ARID4B: variants seen among roughly 807,000 people sequenced by gnomAD.
ARID4B encodes AT-rich interactive domain-containing protein 4B.
Under a neutral mutation model 147.5 loss-of-function variants are expected in ARID4B, and 26 were observed. The observed-to-expected ratio is 0.18, with a 90% CI of 0.13 to 0.24. ARID4B has a LOEUF of 0.24. Among genes scored for constraint, ARID4B ranks in the 10% least tolerant of loss-of-function variants. The pLI is 1.00. For synonymous variants in ARID4B, 512 were observed against 507.9 expected (o/e 1.01, Z -0.11); for missense variants, 1,179 against 1,511.5 (o/e 0.78, Z 3.65).
chr1:235,327,483 C>T (rs1237383236), intron 1 of ARID4B: 4 of 152,252 alleles, frequency 2.6e-5, no homozygotes, highest in Non-Finnish European at 5.9e-5. Flanking sequence ...ACATCTGGCC[C>T]CGCCGCGGGG....
rs564809522 is a variant in ARID4B, at chr1:235,284,913, T to A, written c.7-24161A>T. 7.3e-3 allele frequency among the ~76,000 whole-genome samples: 1,113 copies of A among 151,894 alleles called. 12 individuals carry two copies. The highest frequency in any genetic ancestry group is 0.029 in the Admixed American group (447 of 15,244). On this transcript the variant is annotated intron_variant, in intron 2 of 23. Coordinates refer to ENST00000264183, the MANE Select transcript of ARID4B (RefSeq NM_016374.6). Reference sequence around the variant, plus strand: ...AAAATGCAAACAATATATATATATTTTTTTTTTGGAGACAGGGTCTTGTTC... The same window carrying A: ...AAAATGCAAACAATATATATATATTATTTTTTTGGAGACAGGGTCTTGTTC...
At chr1:235,216,768 AATTTT>A (rs1456052255) in intron 16 of ARID4B, among the ~76,000 whole-genome samples, 2 of 150,340 alleles carry the variant, frequency 1.3e-5, no homozygotes, top group Admixed American at 6.7e-5. Context: ...TATTATGAGG[AATTTT>A]ATTTTATATA....
chr1:235,212,487 T>C (rs1467077132), intron 17 of ARID4B, among the ~76,000 whole-genome samples: 2 of 152,162 alleles, frequency 1.3e-5, no homozygotes, highest in Admixed American at 6.5e-5. Flanking sequence ...TATTTGCTAT[T>C]TGCTATTTTC....
intron 22 of ARID4B, among the ~76,000 whole-genome samples, chr1:235,173,297 T>C (rs1437392154): frequency 6.6e-6 from 1 of 152,098 alleles, no homozygotes; most frequent in Non-Finnish European, 1.5e-5. Context: ...TGAGCCGAGA[T>C]TGTGCCACTG....
chr1:235,213,685 T>G, intron 17 of ARID4B, 84 bp downstream of exon 17: 1 of 1,399,958 alleles, frequency 7.1e-7, no homozygotes, highest in Non-Finnish European at 9.6e-7. Context: ...CTAATAAATC[T>G]GTAATCCATT....
At chr1:235,233,852 G>A (rs557702778) in intron 9 of ARID4B, among the ~76,000 whole-genome samples, 13 of 152,220 alleles carry the variant, frequency 8.5e-5, no homozygotes, top group South Asian at 6.2e-4. Flanking sequence ...GGTTCGAGGC[G>A]GGCAGATCAC....
intron 10 of ARID4B, among the ~76,000 whole-genome samples, chr1:235,230,408 C>A (rs2103046947): frequency 7.6e-6 from 1 of 130,876 alleles, no homozygotes; most frequent in African/African-American, 2.7e-5. Flanking sequence ...GACTCCATCT[C>A]AAAAAAACAA....
At chr1:235,226,472 T>G (rs1363349839) in intron 11 of ARID4B, among the ~76,000 whole-genome samples, 1 of 150,282 alleles carries the variant, frequency 6.7e-6, no homozygotes, top group Non-Finnish European at 1.5e-5. Flanking sequence ...GCAATCCTGC[T>G]GCCTCAGCCT....
At chr1:235,204,489 T>C (rs964695090) in intron 17 of ARID4B, among the ~76,000 whole-genome samples, 3 of 152,150 alleles carry the variant, frequency 2.0e-5, no homozygotes, top group African/African-American at 7.2e-5. Flanking sequence ...TAGTCATATT[T>C]AAGAGTTGAC....
intron 2 of ARID4B, among the ~76,000 whole-genome samples, chr1:235,320,422 TCCCA>T (rs1674742262): frequency 6.6e-6 from 1 of 152,060 alleles, no homozygotes; most frequent in Non-Finnish European, 1.5e-5. Flanking sequence ...TCAAATATAT[TCCCA>T]ATACTACTAT....
intron 2 of ARID4B, among the ~76,000 whole-genome samples, chr1:235,294,453 CCCG>C (rs1246599024): frequency 1.4e-4 from 13 of 91,574 alleles, no homozygotes; most frequent in Non-Finnish European, 2.2e-4. Flanking sequence ...AAGCAATTCT[CCCG>C]CTTGAACCCA....
At chr1:235,235,538 C>A (rs145920520) in intron 8 of ARID4B, among the ~76,000 whole-genome samples, 1,557 of 152,206 alleles carry the variant, frequency 0.01, 23 homozygotes, top group African/African-American at 0.033. Flanking sequence ...TGCCACAGAA[C>A]GACAATATGC....
At chr1:235,206,057 T>TA (rs1318909294) in intron 17 of ARID4B, among the ~76,000 whole-genome samples, 3 of 152,176 alleles carry the variant, frequency 2.0e-5, no homozygotes, top group African/African-American at 7.2e-5. Context: ...GGTATCACTT[T>TA]AAAAAACCAG....
Position 235,172,708 on chromosome 1 carries a change from G to T in ARID4B, c.3721C>A (p.Gln1241Lys), listed in dbSNP as rs748732474. 8.1e-6 allele frequency: 13 copies of T among 1,606,736 alleles called. No individual in the cohort carries two copies. Among genetic ancestry groups the T allele is most frequent in the South Asian group, 2.2e-5 (2 of 89,388 alleles). The change falls in exon 23 of 24, where the codon CAA becomes AAA. Residue 1241 changes from glutamine (Q) to lysine (K), a missense_variant. This residue lies in a region of ARID4B where 357 missense variants were observed against 427.3 expected (regional missense o/e 0.84). Coordinates refer to ENST00000264183, the MANE Select transcript of ARID4B (RefSeq NM_016374.6). ...ERITILQEKL[Q>K]EIRKHYLSLK... ...GACAGATAATGTTTTCTGATTTCTT[G>T]AAGTTTTTCTTGAAGAATTGTGATG... is the stretch of plus-strand genomic sequence containing the variant.
chr1:235,257,865 T>C (rs370425948), intron 3 of ARID4B, among the ~76,000 whole-genome samples: 3 of 152,162 alleles, frequency 2.0e-5, no homozygotes, highest in African/African-American at 4.8e-5. Flanking sequence ...AAGAAAGATA[T>C]GGGGATTTTA....
At chr1:235,325,939 ATAT>A (rs924855264) in intron 2 of ARID4B, among the ~76,000 whole-genome samples, 8 of 152,214 alleles carry the variant, frequency 5.3e-5, no homozygotes, top group African/African-American at 1.7e-4. Flanking sequence ...GACAAGTGAA[ATAT>A]TTTTTTAAAT....
intron 11 of ARID4B, among the ~76,000 whole-genome samples, chr1:235,225,209 A>G (rs891269856): frequency 3.3e-5 from 5 of 152,220 alleles, no homozygotes; most frequent in Non-Finnish European, 5.9e-5. Flanking sequence ...AGGTACTATA[A>G]AAGTATGGGT....
intron 5 of ARID4B, among the ~76,000 whole-genome samples, chr1:235,255,259 A>ATCTATC (rs375747308): frequency 9.8e-5 from 9 of 91,642 alleles, no homozygotes; most frequent in African/African-American, 2.3e-4. Flanking sequence ...AGATAGATAG[A>ATCTATC]TAGATATATA....
At chr1:235,270,476 GGTTA>G (rs1670911274) in intron 2 of ARID4B, among the ~76,000 whole-genome samples, 1 of 41,926 alleles carries the variant, frequency 2.4e-5, no homozygotes, top group African/African-American at 9.8e-5. Context: ...AGCTACTTTA[GGTTA>G]TAAGTAAATT....
Sources: gnomAD v4.1 joint callset for allele counts (sites outside exome capture counted in the v4.1 genomes callset) on GRCh38, gnomAD v4.1.1 for gene constraint, gnomAD v4.1.1 regional missense constraint, MANE v1.5 for transcripts, NCBI Gene and HGNC (gene_info 2026-07-23, HGNC 2026-07-21) for gene names.